Variants in OXTR observed in about 807,000 individuals in gnomAD.
OXTR encodes the protein oxytocin receptor.
Under a neutral mutation model 23.9 loss-of-function variants are expected in OXTR, and 19 were observed. The observed-to-expected ratio is 0.80, with a 90% CI of 0.56 to 1.17. The LOEUF (loss-of-function observed/expected upper bound fraction) is 1.17. OXTR is among the 50% of genes most tolerant of loss of function. The probability of loss-of-function intolerance (pLI) is 0.00; values close to 1 mark genes in which losing one functional copy is unlikely to be tolerated. For missense variants in OXTR, 500 were observed against 550.7 expected, an observed-to-expected ratio of 0.91 and a Z score of 0.92; for synonymous variants, 278 against 250.5, an observed-to-expected ratio of 1.11 and a Z score of -1.04.
intron 3 of OXTR, among the ~76,000 whole-genome samples, chr3:8,757,664 C>T (rs1708399251): frequency 6.6e-6 from 1 of 152,198 alleles, no homozygotes; most frequent in Non-Finnish European, 1.5e-5. Flanking sequence ...AAAATCACAT[C>T]TTGCCCCACG....
Position 8,767,427 on chromosome 3 carries a change from C to T in OXTR, c.761G>A (p.Arg254His), listed in dbSNP as rs1708636663. ...PEGAAAGDGG[R>H]VALARVSSVK... ...GCTGCTGACACGCGCCAGGGCCACG[C>T]GCCCCCCATCGCCAGCCGCCGCGCC... The change falls in exon 3 of 4, where the codon CGC becomes CAC. Residue 254 changes from arginine to histidine, a missense_variant. Transcript: ENST00000316793. 6 of 1,605,076 alleles carry T rather than the reference C, an allele frequency of 3.7e-6. No homozygotes were observed. The African/African-American group carries it at 5.4e-5, about 14-fold the overall frequency.
intron 3 of OXTR, among the ~76,000 whole-genome samples, chr3:8,759,496 A>G (rs1708443930): frequency 6.6e-6 from 1 of 152,250 alleles, no homozygotes; most frequent in African/African-American, 2.4e-5. Context: ...GGACTGAAGC[A>G]TGAAATTAGC....
intron 3 of OXTR, among the ~76,000 whole-genome samples, chr3:8,753,959 C>T (rs1157609998): frequency 6.6e-6 from 1 of 152,114 alleles, no homozygotes; most frequent in Non-Finnish European, 1.5e-5. Flanking sequence ...TTTTTCCAGG[C>T]AGAGCAGGGA....
At chr3:8,743,697 A>T in the OXTR span, among the ~76,000 whole-genome samples, 1 of 152,096 alleles carries the variant, frequency 6.6e-6, no homozygotes, top group African/African-American at 2.4e-5. Flanking sequence ...GCACAGGGGG[A>T]TCAGGGACCT....
the OXTR span, among the ~76,000 whole-genome samples, chr3:8,743,847 T>C: frequency 2.0e-5 from 3 of 152,360 alleles, no homozygotes; most frequent in East Asian, 5.8e-4. Context: ...ATCATATCTT[T>C]AGTAATAGAG....
At chr3:8,748,816 T>C (rs2124990587), downstream of OXTR, among the ~76,000 whole-genome samples, 1 of 152,348 alleles carries the variant, frequency 6.6e-6, no homozygotes, top group Middle Eastern at 3.4e-3. Flanking sequence ...ACAGCCTGCA[T>C]TGTCCCCTTA....
At chr3:8,746,056 T>C (rs1708152038), downstream of OXTR, 4 of 584,862 alleles carry the variant, frequency 6.8e-6, no homozygotes, top group Non-Finnish European at 1.2e-5. Flanking sequence ...CAATGGCCCT[T>C]CGCTCTCCCC....
downstream of OXTR, among the ~76,000 whole-genome samples, chr3:8,749,045 A>AGGT (rs1447856097): frequency 2.5e-4 from 38 of 152,272 alleles, no homozygotes; most frequent in Middle Eastern, 3.4e-3. Flanking sequence ...CTGTAGGGAA[A>AGGT]GGTGGTTGGC....
intron 3 of OXTR, among the ~76,000 whole-genome samples, chr3:8,758,761 A>G (rs1708429059): frequency 6.6e-6 from 1 of 152,290 alleles, no homozygotes; most frequent in South Asian, 2.1e-4. Context: ...CACTGCTCCA[A>G]TCTGGTAGGT....
chr3:8,755,809 C>T (rs1708360485), intron 3 of OXTR, among the ~76,000 whole-genome samples: 1 of 152,182 alleles, frequency 6.6e-6, no homozygotes, highest in African/African-American at 2.4e-5. Flanking sequence ...AAAGCTCTAC[C>T]ATCAGGGGGA....
intron 3 of OXTR, among the ~76,000 whole-genome samples, chr3:8,756,837 C>G (rs1251834124): frequency 6.6e-6 from 1 of 152,260 alleles, no homozygotes; most frequent in Non-Finnish European, 1.5e-5. Flanking sequence ...TGGCCACTCC[C>G]AAGCTCCCGG....
At chr3:8,765,204 T>C (rs1317889179) in intron 3 of OXTR, among the ~76,000 whole-genome samples, 2 of 152,198 alleles carry the variant, frequency 1.3e-5, no homozygotes, top group Non-Finnish European at 2.9e-5. Flanking sequence ...TAAACTTCGC[T>C]TCACGGTACG....
chr3:8,744,612 C>T, the OXTR span, among the ~76,000 whole-genome samples: 1 of 152,178 alleles, frequency 6.6e-6, no homozygotes, highest in South Asian at 2.1e-4. Flanking sequence ...TGCTAAGTGA[C>T]ATCACCCATG....
chr3:8,751,603 A>G lies in OXTR; in HGVS notation c.*1374T>C, dbSNP rs999330499. ...CAACCTCATTCTTTTGCACTTGCATATCATTGTCTCGGTGCCATTTGTTGA... is the reference window on the plus strand; with the variant it reads ...CAACCTCATTCTTTTGCACTTGCATGTCATTGTCTCGGTGCCATTTGTTGA... On this transcript the variant is annotated 3_prime_UTR_variant, in exon 4 of 4. Transcript: ENST00000316793. 1 of 151,940 alleles carries G rather than the reference A, an allele frequency of 6.6e-6. No homozygotes were observed. Among genetic ancestry groups the G allele is most frequent in the Non-Finnish European group, 1.5e-5 (1 of 67,964 alleles). The allele number at this position is 151,940 out of a possible 1,614,324, so 9.4% of individuals were successfully genotyped here.
At chr3:8,756,146 C>T (rs1447089947) in intron 3 of OXTR, among the ~76,000 whole-genome samples, 5 of 152,296 alleles carry the variant, frequency 3.3e-5, no homozygotes, top group Admixed American at 1.3e-4. Context: ...TAGCATTCCC[C>T]TTTCTGATGG....
chr3:8,743,069 C>G, the OXTR span, among the ~76,000 whole-genome samples: 5,145 of 150,932 alleles, frequency 0.034, 227 homozygotes, highest in African/African-American at 0.099. Flanking sequence ...TTTTAAACAA[C>G]CAGGTCTCAT....
rs1418638465 is a variant in OXTR, at chr3:8,753,159, T to G, written c.988A>C (p.Met330Leu). 1 of 1,613,886 alleles carries G rather than the reference T, an allele frequency of 6.2e-7. No individual in the cohort carries two copies. Among genetic ancestry groups the G allele is most frequent in the Non-Finnish European group, 8.5e-7 (1 of 1,179,986 alleles). ...TGGAAGAGGTGGCCCGTGAACAGCATGTAGATCCAGGGGTTGCAGCAGCTG... is the reference window on the plus strand; with the variant it reads ...TGGAAGAGGTGGCCCGTGAACAGCAGGTAGATCCAGGGGTTGCAGCAGCTG... ...LNSCCNPWIY[M>L]LFTGHLFHEL... The change falls in exon 4 of 4, where the codon ATG becomes CTG. Residue 330 changes from methionine to leucine, a missense_variant. By Grantham distance (15) the Met-to-Leu change is conservative. Transcript: ENST00000316793.
chr3:8,766,896 T>C (rs1708619315), intron 3 of OXTR, among the ~76,000 whole-genome samples: 1 of 152,124 alleles, frequency 6.6e-6, no homozygotes, highest in Admixed American at 6.5e-5. Flanking sequence ...CACCTCCTCC[T>C]AACCACGTGG....
intron 3 of OXTR, among the ~76,000 whole-genome samples, chr3:8,764,977 T>TA (rs1247096801): frequency 6.6e-6 from 1 of 152,196 alleles, no homozygotes; most frequent in Non-Finnish European, 1.5e-5. Flanking sequence ...CTGAAATTCT[T>TA]AAAGTCCTCT....
Sources: gnomAD v4.1 joint callset for allele counts (sites outside exome capture counted in the v4.1 genomes callset) on GRCh38, gnomAD v4.1.1 for gene constraint, MANE v1.5 for transcripts, NCBI Gene and HGNC (gene_info 2026-07-23, HGNC 2026-07-21) for gene names.